The following MTHFD1 variants were observed in gnomAD, a reference collection of about 807,000 sequenced individuals.
MTHFD1 encodes the protein C-1-tetrahydrofolate synthase, cytoplasmic.
A neutral mutation model predicts 110.3 loss-of-function variants in MTHFD1; 44 were observed. The observed-to-expected ratio is 0.40, with a 90% CI of 0.31 to 0.51. The LOEUF (loss-of-function observed/expected upper bound fraction) is 0.51, where lower values mean the gene tolerates loss of function less well. Ranked by LOEUF, MTHFD1 falls within the 20% of genes least tolerant of loss-of-function variation. The pLI, the probability that MTHFD1 is intolerant of heterozygous loss-of-function variation, is 0.60. For missense variants in MTHFD1, 909 were observed against 1,173.1 expected (o/e 0.77, Z 3.29); for synonymous variants, 402 against 428.8 (o/e 0.94, Z 0.77).
chr14:64,414,286 C>CTT (rs3062425), intron 4 of MTHFD1, among the ~76,000 whole-genome samples: 1 of 86,452 alleles, frequency 1.2e-5, no homozygotes, highest in East Asian at 3.3e-4. Context: ...CCTGTCCCCG[C>CTT]TTTTTTTTTT....
At position 64,417,750 on chromosome 14, in the gene MTHFD1, A is replaced by G; in HGVS notation, c.479-138A>G. The G allele has an allele frequency of 1.8e-6, 2 of 1,107,268 alleles. No individual in the cohort carries two copies. Among genetic ancestry groups the G allele is most frequent in the Non-Finnish European group, 2.7e-6 (2 of 740,290 alleles). 68.6% of individuals were successfully genotyped at this position (1,107,268 alleles called of 1,614,324 possible). Reference sequence around the variant, plus strand: ...CTAGAGTTGAGAATATTATTGCCAAAGAAGGAATGCTTTTAGGAAGGTTTC... The same window carrying G: ...CTAGAGTTGAGAATATTATTGCCAAGGAAGGAATGCTTTTAGGAAGGTTTC... On this transcript the variant is annotated intron_variant, in intron 6 of 27. Transcript: ENST00000652337. This position sits in a 1 kb window ranked among gnomAD's most constrained non-coding sequence, Gnocchi z 4.4.
At chr14:64,412,616 T>C in intron 4 of MTHFD1, 91 bp downstream of exon 4, 1 of 906,342 alleles carries the variant, frequency 1.1e-6, no homozygotes, top group Non-Finnish European at 1.8e-6. Context: ...CTGACACATT[T>C]AGCCAAGACC....
chr14:64,445,311 G>A (rs766287372), intron 22 of MTHFD1, among the ~76,000 whole-genome samples: 3 of 152,076 alleles, frequency 2.0e-5, no homozygotes, highest in East Asian at 1.9e-4. Flanking sequence ...CCATATTAAC[G>A]GGCCAAGATA....
intron 2 of MTHFD1, among the ~76,000 whole-genome samples, chr14:64,408,535 C>T (rs547828065): frequency 4.6e-5 from 7 of 152,272 alleles, no homozygotes; most frequent in African/African-American, 1.7e-4. Context: ...GTGATCTGCC[C>T]GCCTTAGCCT....
chr14:64,411,675 G>A (rs902355523), intron 3 of MTHFD1, among the ~76,000 whole-genome samples: 9 of 152,128 alleles, frequency 5.9e-5, no homozygotes, highest in Admixed American at 1.3e-4. Flanking sequence ...CGAGGCGGGC[G>A]GATCACCTGA....
intron 4 of MTHFD1, among the ~76,000 whole-genome samples, chr14:64,413,563 G>A (rs1438688813): frequency 2.0e-5 from 3 of 152,150 alleles, no homozygotes; most frequent in Non-Finnish European, 4.4e-5. Flanking sequence ...CCATATATGC[G>A]CTGTCCAGTA....
At chr14:64,445,074 G>C (rs915091295) in intron 22 of MTHFD1, 8 of 370,728 alleles carry the variant, frequency 2.2e-5, no homozygotes, top group African/African-American at 1.3e-4. Flanking sequence ...GAATCTAGTG[G>C]GTAGAAACTG....
In MTHFD1 at chr14:64,442,419, A is replaced by G; in HGVS notation, c.2136+17A>G. Reference sequence around the variant, plus strand: ...GGCCCCACGGTGAGTGGTGGGTTGAAGTATCTGATTATCGGCAGTGTGCTG... The same window carrying G: ...GGCCCCACGGTGAGTGGTGGGTTGAGGTATCTGATTATCGGCAGTGTGCTG... On this transcript the variant is annotated intron_variant, in intron 21 of 27. Transcript: ENST00000652337. 6.2e-7 allele frequency: 1 copy of G among 1,613,662 alleles called. No individual in the cohort carries two copies. The highest frequency in any genetic ancestry group is 8.5e-7 in the Non-Finnish European group (1 of 1,179,900).
At chr14:64,434,813 T>C (rs2078190931) in intron 15 of MTHFD1, among the ~76,000 whole-genome samples, 1 of 150,196 alleles carries the variant, frequency 6.7e-6, no homozygotes, top group Non-Finnish European at 1.5e-5. Flanking sequence ...CTGGGAGCGA[T>C]GAATTCTGTT....
chr14:64,416,305 T>C (rs2078026349), intron 6 of MTHFD1, among the ~76,000 whole-genome samples: 1 of 152,140 alleles, frequency 6.6e-6, no homozygotes, highest in Non-Finnish European at 1.5e-5. Flanking sequence ...AAGTAACTTG[T>C]CTGGGAGACA....
intron 1 of MTHFD1, among the ~76,000 whole-genome samples, chr14:64,395,070 A>G (rs748437164): frequency 6.6e-6 from 1 of 152,334 alleles, no homozygotes. Context: ...CAGCAGACCC[A>G]CTGGCATCAA....
chr14:64,432,155 C>T (rs1294238601), intron 15 of MTHFD1, among the ~76,000 whole-genome samples: 4 of 152,184 alleles, frequency 2.6e-5, no homozygotes, highest in East Asian at 1.9e-4. Flanking sequence ...GTCACTGTGG[C>T]GGCATAGCAG....
chr14:64,429,674 C>T (rs1210691792), intron 12 of MTHFD1, among the ~76,000 whole-genome samples: 1 of 152,024 alleles, frequency 6.6e-6, no homozygotes. Flanking sequence ...AAACAAAAAC[C>T]CAAATCCAAA....
chr14:64,393,705 G>C (rs1387899683), intron 1 of MTHFD1, among the ~76,000 whole-genome samples: 1 of 152,212 alleles, frequency 6.6e-6, no homozygotes. Context: ...GTTGGGATCA[G>C]GCAGTTTGGG....
At chr14:64,418,334 C>A (rs920701428) in intron 7 of MTHFD1, among the ~76,000 whole-genome samples, 3 of 150,984 alleles carry the variant, frequency 2.0e-5, no homozygotes, top group African/African-American at 7.3e-5. Context: ...GCCTGTAGTC[C>A]CAGCTACTCG....
intron 8 of MTHFD1, among the ~76,000 whole-genome samples, chr14:64,423,388 G>C (rs554915278): frequency 6.6e-6 from 1 of 152,104 alleles, no homozygotes; most frequent in Non-Finnish European, 1.5e-5. Context: ...GATTAATATG[G>C]AGCCCACAGG....
chr14:64,389,821 T>G (rs983020186), intron 1 of MTHFD1, among the ~76,000 whole-genome samples: 11 of 152,234 alleles, frequency 7.2e-5, no homozygotes, highest in Non-Finnish European at 1.6e-4. Context: ...TATTCAAACT[T>G]ACTTCCTTTT....
At position 64,448,336 on chromosome 14, in the gene MTHFD1, C is replaced by T. The variant is rs766355699; in HGVS notation, c.2279+19C>T. ...CATTCAAGTAAGTGTAGAGTGTAAG[C>T]GAAAAGGATGAATGTGGAAAATCTC... On this transcript the variant is annotated intron_variant, in intron 23 of 27. Coordinates refer to ENST00000652337, the MANE Select transcript of MTHFD1 (RefSeq NM_005956.4). The T allele has an allele frequency of 6.4e-6, 10 of 1,555,396 alleles. No homozygotes were observed. The African/African-American group carries it at 6.8e-5, about 11-fold the overall frequency.
At chr14:64,436,941 T>C (rs1443911927) in intron 16 of MTHFD1, among the ~76,000 whole-genome samples, 1 of 152,216 alleles carries the variant, frequency 6.6e-6, no homozygotes, top group East Asian at 1.9e-4. Context: ...ACCTGATACT[T>C]TTTTCTTTTG....
Sources: gnomAD v4.1 joint callset for allele counts (sites outside exome capture counted in the v4.1 genomes callset) on GRCh38, gnomAD v4.1.1 for gene constraint, Gnocchi (gnomAD v3.1) non-coding constraint, MANE v1.5 for transcripts, NCBI Gene and HGNC (gene_info 2026-07-23, HGNC 2026-07-21) for gene names.